The following APBB2 variants were observed in gnomAD, a reference collection of about 807,000 sequenced individuals.
The protein encoded by APBB2 is amyloid beta precursor protein binding family B member 2.
Under a neutral mutation model 82.5 loss-of-function variants are expected in APBB2, and 38 were observed. The observed-to-expected ratio is 0.46, with a 90% confidence interval of 0.36 to 0.60. APBB2 has a LOEUF of 0.60. Ranked by LOEUF, APBB2 falls within the 20% of genes least tolerant of loss-of-function variation. The pLI is 0.00. For synonymous variants in APBB2, 341 were observed against 368.2 expected (o/e 0.93, Z 0.85); for missense variants, 772 against 972.3 (o/e 0.79, Z 2.74).
At chr4:40,898,878 C>G (rs1053930518) in intron 10 of APBB2, among the ~76,000 whole-genome samples, 10 of 116,048 alleles carry the variant, frequency 8.6e-5, no homozygotes, top group African/African-American at 2.7e-4. Flanking sequence ...CACACACACA[C>G]ACAGAACACT....
chr4:41,185,641 A>G (rs1772695246), intron 1 of APBB2, among the ~76,000 whole-genome samples: 1 of 152,182 alleles, frequency 6.6e-6, no homozygotes, highest in Non-Finnish European at 1.5e-5. Flanking sequence ...TTTCTTTCTC[A>G]GAGAATTGGC....
chr4:41,048,884 G>A (rs374241527), intron 4 of APBB2, among the ~76,000 whole-genome samples: 3 of 152,220 alleles, frequency 2.0e-5, no homozygotes, highest in East Asian at 1.9e-4. Context: ...TGTGTTGGCC[G>A]GGCTGGTCTC....
intron 1 of APBB2, among the ~76,000 whole-genome samples, chr4:41,203,914 T>C (rs1777314845): frequency 6.6e-6 from 1 of 152,220 alleles, no homozygotes; most frequent in Admixed American, 6.5e-5. Flanking sequence ...TTTTACTCTA[T>C]ATTGTTTTAT....
At chr4:40,914,257 C>T (rs1779300134) in intron 10 of APBB2, among the ~76,000 whole-genome samples, 1 of 152,124 alleles carries the variant, frequency 6.6e-6, no homozygotes, top group African/African-American at 2.4e-5. Flanking sequence ...CCTATAGTCC[C>T]AGCTACTTGG....
At chr4:40,889,809 C>T (rs1055293970) in intron 12 of APBB2, among the ~76,000 whole-genome samples, 6 of 152,102 alleles carry the variant, frequency 3.9e-5, no homozygotes, top group Admixed American at 1.3e-4. Flanking sequence ...CAGAAAAATA[C>T]ACATCAAATG....
At chr4:41,186,707 A>G (rs1269559546) in intron 1 of APBB2, among the ~76,000 whole-genome samples, 1 of 152,200 alleles carries the variant, frequency 6.6e-6, no homozygotes, top group Non-Finnish European at 1.5e-5. Flanking sequence ...CCCACCATAA[A>G]TTGAAAATAT....
At chr4:40,997,031 T>C (rs1803818404) in intron 6 of APBB2, among the ~76,000 whole-genome samples, 1 of 152,140 alleles carries the variant, frequency 6.6e-6, no homozygotes, top group Non-Finnish European at 1.5e-5. Flanking sequence ...CCGCTGCATA[T>C]GGACAATGAG....
chr4:40,856,961 G>A, intron 12 of APBB2: 1 of 985,512 alleles, frequency 1.0e-6, no homozygotes, highest in African/African-American at 1.7e-5. Context: ...GCTTGGGCTC[G>A]ACCCCCGTTC....
chr4:40,872,171 T>C (rs561114847), intron 12 of APBB2, among the ~76,000 whole-genome samples: 4 of 152,380 alleles, frequency 2.6e-5, no homozygotes, highest in South Asian at 2.1e-4. Flanking sequence ...GTTGCCAATA[T>C]TGTAGTCTAG....
chr4:41,113,790 G>A (rs539235005), intron 2 of APBB2, among the ~76,000 whole-genome samples: 1 of 151,988 alleles, frequency 6.6e-6, no homozygotes, highest in African/African-American at 2.4e-5. Flanking sequence ...AGTATTGAGG[G>A]TTAAAATGTC....
chr4:40,865,720 G>C (rs893260493), intron 12 of APBB2, among the ~76,000 whole-genome samples: 1 of 152,152 alleles, frequency 6.6e-6, no homozygotes, highest in Non-Finnish European at 1.5e-5. Context: ...TGGCAACTAT[G>C]AATAAAGTCG....
At chr4:41,131,479 A>AT (rs1166971190) in intron 2 of APBB2, among the ~76,000 whole-genome samples, 1 of 152,190 alleles carries the variant, frequency 6.6e-6, no homozygotes, top group East Asian at 1.9e-4. Flanking sequence ...ACATACATAG[A>AT]TATGTATTTT....
intron 2 of APBB2, among the ~76,000 whole-genome samples, chr4:41,119,129 G>A (rs1752028777): frequency 7.3e-6 from 1 of 137,002 alleles, no homozygotes; most frequent in African/African-American, 2.8e-5. Context: ...ACAGAGTGAG[G>A]CCTGTCTCAA....
At chr4:40,948,304 C>T (rs2154382376) in intron 6 of APBB2, among the ~76,000 whole-genome samples, 1 of 152,312 alleles carries the variant, frequency 6.6e-6, no homozygotes, top group South Asian at 2.1e-4. Flanking sequence ...CACATTTAGG[C>T]TGGACGCAGT....
At chr4:41,170,445 G>A (rs189552072) in intron 1 of APBB2, among the ~76,000 whole-genome samples, 50 of 152,252 alleles carry the variant, frequency 3.3e-4, no homozygotes, top group African/African-American at 9.6e-4. Context: ...AGGGTGATAT[G>A]CTCTGAGAAG....
intron 10 of APBB2, among the ~76,000 whole-genome samples, chr4:40,915,537 C>T (rs760897647): frequency 2.6e-5 from 4 of 152,192 alleles, no homozygotes; most frequent in Non-Finnish European, 5.9e-5. Context: ...TAACTATCTT[C>T]AGGGCTAATT....
intron 12 of APBB2, among the ~76,000 whole-genome samples, chr4:40,889,882 A>C (rs1413831296): frequency 6.6e-6 from 1 of 152,216 alleles, no homozygotes; most frequent in African/African-American, 2.4e-5. Flanking sequence ...AAAACCCAGA[A>C]ATTCCTGATA....
In APBB2 at chr4:40,813,445, T is replaced by TA. The variant is rs1744835000; in HGVS notation, c.*2646dup. ...ACTGAAGTGTCACTAAGATATCAGGTAAAACATTGGCATCCTTTTACAAAC... is the reference window on the plus strand; with the variant it reads ...ACTGAAGTGTCACTAAGATATCAGGTAAAAACATTGGCATCCTTTTACAAAC... On this transcript the variant is annotated 3_prime_UTR_variant, in exon 18 of 18. Coordinates refer to ENST00000508593, the MANE Select transcript of APBB2 (RefSeq NM_004307.2). The TA allele has an allele frequency of 6.6e-6, 1 of 152,320 alleles. No homozygotes were observed. Among genetic ancestry groups the TA allele is most frequent in the East Asian group, 1.9e-4 (1 of 5,186 alleles). The allele number at this position is 152,320 out of a possible 1,614,324, so 9.4% of individuals were successfully genotyped here.
In APBB2 at chr4:41,201,968, C is replaced by A. The variant is rs73810883; in HGVS notation, c.-417+12437G>T. On this transcript the variant is annotated intron_variant, in intron 1 of 17. Coordinates refer to ENST00000508593, the MANE Select transcript of APBB2 (RefSeq NM_004307.2). ...GAGTGGCGTCTATACCCTCCCAGCT[C>A]CTGGGGTCTGTGACTTCCCCGCTCC... 9.4e-3 allele frequency among the ~76,000 whole-genome samples: 1,432 copies of A among 152,272 alleles called. 15 individuals carry two copies. The highest frequency in any genetic ancestry group is 0.033 in the African/African-American group (1,352 of 41,544).
Sources: gnomAD v4.1 joint callset for allele counts (sites outside exome capture counted in the v4.1 genomes callset) on GRCh38, gnomAD v4.1.1 for gene constraint, MANE v1.5 for transcripts, NCBI Gene and HGNC (gene_info 2026-07-23, HGNC 2026-07-21) for gene names.